The following OTUD7B variants were observed in gnomAD, a reference collection of about 807,000 sequenced individuals.
OTUD7B encodes the protein OTU deubiquitinase 7B, also known as OTU domain-containing protein 7B.
In OTUD7B, 34 loss-of-function variants were observed where a neutral mutation model predicts 82.2. The observed-to-expected ratio is 0.41, with a 90% confidence interval of 0.31 to 0.55. The LOEUF (loss-of-function observed/expected upper bound fraction) is 0.55, where lower values mean the gene tolerates loss of function less well. Among genes scored for constraint, OTUD7B ranks in the 20% least tolerant of loss-of-function variants. OTUD7B has a pLI of 0.20. For missense variants in OTUD7B, 944 were observed against 1,062.1 expected, an observed-to-expected ratio of 0.89 and a Z score of 1.55; for synonymous variants, 398 against 402.7, an observed-to-expected ratio of 0.99 and a Z score of 0.14.
At chr1:150,038,743 T>C in the OTUD7B span, among the ~76,000 whole-genome samples, 5 of 152,206 alleles carry the variant, frequency 3.3e-5, no homozygotes, top group East Asian at 1.9e-4. Context: ...TCTAAAATTA[T>C]GGCACTTCAT....
intron 1 of OTUD7B, among the ~76,000 whole-genome samples, chr1:149,992,025 C>G (rs868951913): frequency 6.6e-6 from 1 of 152,082 alleles, no homozygotes; most frequent in Non-Finnish European, 1.5e-5. Context: ...GTCAAGAGAT[C>G]GAGACCATCC....
chr1:149,972,722 T>C (rs999497857), intron 2 of OTUD7B, among the ~76,000 whole-genome samples: 1 of 152,204 alleles, frequency 6.6e-6, no homozygotes, highest in Admixed American at 6.5e-5. Context: ...TGGCACACAG[T>C]AGTCACTCAA....
At chr1:149,982,312 A>G (rs989725759) in intron 1 of OTUD7B, among the ~76,000 whole-genome samples, 15 of 151,914 alleles carry the variant, frequency 9.9e-5, no homozygotes, top group Middle Eastern at 3.2e-3. Flanking sequence ...GATAGTCTGA[A>G]CCCATGCTCT....
chr1:150,031,654 T>G, the OTUD7B span, among the ~76,000 whole-genome samples: 1 of 152,206 alleles, frequency 6.6e-6, no homozygotes, highest in Non-Finnish European at 1.5e-5. Flanking sequence ...AGCATAGTAG[T>G]TAAGAGCCCA....
intron 1 of OTUD7B, among the ~76,000 whole-genome samples, chr1:149,999,801 A>G (rs1447726892): frequency 6.6e-6 from 1 of 152,186 alleles, no homozygotes; most frequent in Non-Finnish European, 1.5e-5. Context: ...TGTAAATATC[A>G]ATATTAATTA....
At chr1:149,983,626 A>C (rs587601026) in intron 1 of OTUD7B, among the ~76,000 whole-genome samples, 1 of 152,202 alleles carries the variant, frequency 6.6e-6, no homozygotes, top group African/African-American at 2.4e-5. Flanking sequence ...CGTGGCAGGA[A>C]GGAACATAAA....
intron 1 of OTUD7B, among the ~76,000 whole-genome samples, chr1:149,979,232 C>A (rs1650545431): frequency 6.6e-6 from 1 of 152,014 alleles, no homozygotes; most frequent in Non-Finnish European, 1.5e-5. Flanking sequence ...ACCAACAAAC[C>A]AACCAATTTG....
At chr1:149,986,237 T>TCACA (rs34962941) in intron 1 of OTUD7B, among the ~76,000 whole-genome samples, 3,986 of 136,536 alleles carry the variant, frequency 0.029, 123 homozygotes, top group African/African-American at 0.088. Context: ...TGGTACCCCA[T>TCACA]CACACACACA....
At chr1:149,992,586 A>C (rs1449020343) in intron 1 of OTUD7B, among the ~76,000 whole-genome samples, 2 of 138,490 alleles carry the variant, frequency 1.4e-5, no homozygotes, top group African/African-American at 5.4e-5. Flanking sequence ...AGTGATTCTC[A>C]TGTCTCAGCC....
chr1:149,983,792 C>G (rs1229206877), intron 1 of OTUD7B, among the ~76,000 whole-genome samples: 2 of 152,038 alleles, frequency 1.3e-5, no homozygotes, highest in Non-Finnish European at 2.9e-5. Flanking sequence ...ACCCTGGTTA[C>G]AATGTGAAGA....
chr1:150,038,306 T>C, the OTUD7B span, among the ~76,000 whole-genome samples: 1 of 152,152 alleles, frequency 6.6e-6, no homozygotes, highest in East Asian at 1.9e-4. Context: ...GGATTGACTA[T>C]GTTTTCTTTA....
At chr1:150,003,636 G>A (rs1292999822) in intron 1 of OTUD7B, among the ~76,000 whole-genome samples, 2 of 152,194 alleles carry the variant, frequency 1.3e-5, no homozygotes, top group East Asian at 1.9e-4. Flanking sequence ...AGACCCATAC[G>A]CTCCTCGTGG....
At chr1:150,053,379 A>G in the OTUD7B span, among the ~76,000 whole-genome samples, 14 of 151,518 alleles carry the variant, frequency 9.2e-5, no homozygotes, top group Non-Finnish European at 2.1e-4. Flanking sequence ...GGACATGAAC[A>G]CTTTTCTTTC....
chr1:149,951,936 C>T lies in OTUD7B; in HGVS notation c.846-1715G>A, dbSNP rs146939118. On this transcript the variant is annotated intron_variant, in intron 7 of 11. Transcript: ENST00000581312. ...AAAGTTTATTACAGCATATTACAGG[C>T]TTGTGTCAGTACTAAATTGATCAAT... Among the ~76,000 whole-genome samples, 25 of 151,498 alleles carry T rather than the reference C, an allele frequency of 1.7e-4. 1 individual carries two copies. The East Asian group carries it at 4.9e-3, about 29-fold the overall frequency.
chr1:149,974,087 C>T (rs1354812871), intron 2 of OTUD7B, among the ~76,000 whole-genome samples: 1 of 151,636 alleles, frequency 6.6e-6, no homozygotes, highest in Non-Finnish European at 1.5e-5. Flanking sequence ...TTGAACTCAA[C>T]GGAGTCTCGT....
Position 149,944,970 on chromosome 1 carries a change from G to A in OTUD7B, c.1419C>T (p.Gly473=). Residue 473 remains glycine (G), a synonymous_variant, in exon 12 of 12, where the codon GGC becomes GGT. Transcript: ENST00000581312. ...CGCCCTCGTTGCTGGTGGAACTGCT[G>A]CCAACTGACTCCTTGTCTGAGTCTC... ...ESGDSDKESV[G]SSSTSNEGGR... 1 of 1,614,180 alleles carries A rather than the reference G, an allele frequency of 6.2e-7. No individual in the cohort carries two copies. The highest frequency in any genetic ancestry group is 8.5e-7 in the Non-Finnish European group (1 of 1,180,044).
At chr1:149,956,271 T>A (rs1430668881) in intron 7 of OTUD7B, among the ~76,000 whole-genome samples, 1 of 152,166 alleles carries the variant, frequency 6.6e-6, no homozygotes, top group Non-Finnish European at 1.5e-5. Flanking sequence ...CTGTAAAGGA[T>A]TTTATTTCTC....
At chr1:149,955,236 G>A (rs1431872639) in intron 7 of OTUD7B, among the ~76,000 whole-genome samples, 3 of 152,148 alleles carry the variant, frequency 2.0e-5, no homozygotes, top group Non-Finnish European at 4.4e-5. Context: ...ATTCTGGTAT[G>A]TTGTGTCTTT....
chr1:149,999,835 G>A lies in OTUD7B; in HGVS notation c.-67+10613C>T, dbSNP rs114173356. Among the ~76,000 whole-genome samples the A allele has an allele frequency of 1.1e-3, 169 of 152,218 alleles. 1 individual carries two copies. Among genetic ancestry groups the A allele is most frequent in the African/African-American group, 3.9e-3 (161 of 41,522 alleles). Reference sequence around the variant, plus strand: ...TAACACTAAAGCCTCAGAGGAATTCGCTCTTCCTTTTCTTTTGATGTTAGC... The same window carrying A: ...TAACACTAAAGCCTCAGAGGAATTCACTCTTCCTTTTCTTTTGATGTTAGC... On this transcript the variant is annotated intron_variant, in intron 1 of 11. Transcript: ENST00000581312.
Sources: allele counts gnomAD v4.1 joint callset (sites outside exome capture counted in the v4.1 genomes callset), GRCh38; gene constraint gnomAD v4.1.1; transcripts MANE v1.5; gene names NCBI Gene and HGNC (gene_info 2026-07-23, HGNC 2026-07-21).